Variants in ABCA13 observed in about 807,000 individuals in gnomAD.
ABCA13 encodes the protein ATP binding cassette subfamily A member 13.
In ABCA13, 476 loss-of-function variants were observed where a neutral mutation model predicts 478.7. The observed-to-expected ratio is 0.99, with a 90% CI of 0.92 to 1.07. The LOEUF (loss-of-function observed/expected upper bound fraction) is 1.07. Among genes scored for constraint, ABCA13 ranks in the 50% least tolerant of loss-of-function variants. The probability of loss-of-function intolerance (pLI) is 0.00; values close to 1 mark genes in which losing one functional copy is unlikely to be tolerated. For synonymous variants in ABCA13, 2,252 were observed against 2,158.9 expected, an observed-to-expected ratio of 1.04 and a Z score of -1.20; for missense variants, 6,060 against 5,910.6, an observed-to-expected ratio of 1.03 and a Z score of -0.83.
intron 32 of ABCA13, among the ~76,000 whole-genome samples, chr7:48,369,473 T>C (rs538437006): frequency 6.6e-6 from 1 of 152,320 alleles, no homozygotes; most frequent in African/African-American, 2.4e-5. Context: ...CCTAAGCCAA[T>C]GTATAGAAGG....
intron 59 of ABCA13, among the ~76,000 whole-genome samples, chr7:48,623,604 G>C (rs964324906): frequency 2.0e-5 from 3 of 152,180 alleles, no homozygotes; most frequent in Admixed American, 1.3e-4. Context: ...CAGTGTGGGT[G>C]TTCCCAAAGT....
At chr7:48,600,149 C>T (rs1790729781) in intron 58 of ABCA13, among the ~76,000 whole-genome samples, 3 of 151,952 alleles carry the variant, frequency 2.0e-5, no homozygotes, top group South Asian at 4.2e-4. Flanking sequence ...AATATTTTGA[C>T]TTTCTTATCA....
intron 52 of ABCA13, among the ~76,000 whole-genome samples, chr7:48,517,082 G>A (rs542646552): frequency 6.6e-6 from 1 of 152,278 alleles, no homozygotes; most frequent in South Asian, 2.1e-4. Flanking sequence ...CCTAGGCTTA[G>A]CAACAATTGA....
intron 54 of ABCA13, among the ~76,000 whole-genome samples, chr7:48,526,495 A>G (rs555848543): frequency 8.7e-4 from 133 of 152,316 alleles, no homozygotes; most frequent in African/African-American, 3.0e-3. Flanking sequence ...AGAAATGACT[A>G]AGATACAGTC....
intron 9 of ABCA13, among the ~76,000 whole-genome samples, chr7:48,240,117 C>T (rs189214638): frequency 5.3e-5 from 8 of 152,304 alleles, no homozygotes; most frequent in Non-Finnish European, 7.3e-5. Flanking sequence ...CTTTGTTCTC[C>T]GCTAATATGT....
In ABCA13 at chr7:48,646,624, A is replaced by T. The variant is rs1258119704; in HGVS notation, c.*1112A>T. On this transcript the variant is annotated 3_prime_UTR_variant, in exon 62 of 62. Coordinates refer to ENST00000435803, the MANE Select transcript of ABCA13 (RefSeq NM_152701.5). ...AAGCTCCGCCTCCTGGGTTCACGCC[A>T]TTCTCCTGCCTCAGCCTCCCCAGCA... 6.6e-6 allele frequency: 1 copy of T among 151,714 alleles called. No homozygotes were observed. The highest frequency in any genetic ancestry group is 1.5e-5 in the Non-Finnish European group (1 of 68,012). 9.4% of individuals were successfully genotyped at this position (151,714 alleles called of 1,614,324 possible).
intron 38 of ABCA13, among the ~76,000 whole-genome samples, chr7:48,400,386 A>C (rs753459245): frequency 6.6e-6 from 1 of 152,204 alleles, no homozygotes; most frequent in Non-Finnish European, 1.5e-5. Context: ...CTGGTGCATA[A>C]TTGGGTCATA....
intron 19 of ABCA13, among the ~76,000 whole-genome samples, chr7:48,285,238 G>A (rs1291202589): frequency 1.3e-5 from 2 of 152,176 alleles, no homozygotes; most frequent in African/African-American, 4.8e-5. Flanking sequence ...CTGAAGGGAG[G>A]AGAGGAAAGG....
intron 47 of ABCA13, among the ~76,000 whole-genome samples, chr7:48,484,347 A>G (rs1829078575): frequency 6.6e-6 from 1 of 152,204 alleles, no homozygotes; most frequent in Non-Finnish European, 1.5e-5. Flanking sequence ...TAAAGACAAC[A>G]CACATTCATG....
chr7:48,297,427 T>C lies in ABCA13; in HGVS notation c.9199+116T>C, dbSNP rs185917288. On this transcript the variant is annotated intron_variant, in intron 22 of 61. Transcript: ENST00000435803. ...AATTTATGCTATATGTGATACATAA[T>C]CATTTACAACTTGGCTGGTATGATG... 6.4e-4 allele frequency: 653 copies of C among 1,022,400 alleles called. 2 individuals carry two copies. Among genetic ancestry groups the C allele is most frequent in the Admixed American group, 1.8e-3 (75 of 42,396 alleles). The allele number at this position is 1,022,400 out of a possible 1,614,324, so 63.3% of individuals were successfully genotyped here. A position where few individuals can be genotyped will look rare whatever the true frequency, so the allele number is the denominator to read the frequency against.
rs1270541560 is a variant in ABCA13 at position 48,273,541 on chromosome 7, G to A, written c.3875G>A (p.Ser1292Asn). 2 of 1,583,596 alleles carry A rather than the reference G, an allele frequency of 1.3e-6. No homozygotes were observed. Among genetic ancestry groups the A allele is most frequent in the Non-Finnish European group, 1.7e-6 (2 of 1,162,810 alleles). The stretch of plus-strand genomic sequence containing the variant: ...CTGCTTGAAGTTTTCATTGAGTTTA[G>A]CAGTACCTCAGAATATATAGTCAGA... ...NSLLEVFIEF[S>N]STSEYIVRNL... is the part of the protein sequence containing the mutation. The change falls in exon 17 of 62, where the codon AGC becomes AAC. Residue 1292 changes from serine (S) to asparagine (N), a missense_variant. Coordinates refer to ENST00000435803, the MANE Select transcript of ABCA13 (RefSeq NM_152701.5).
chr7:48,198,443 T>C, intron 3 of ABCA13, 83 bp downstream of exon 3: 1 of 1,494,104 alleles, frequency 6.7e-7, no homozygotes, highest in Non-Finnish European at 9.1e-7. Context: ...AAAGCCTCAA[T>C]AATTTGGGAT....
rs748355286 is a variant in ABCA13 at position 48,279,810 on chromosome 7, G to C, written c.8616G>C (p.Glu2872Asp). The C allele has an allele frequency of 5.0e-6, 8 of 1,598,750 alleles. No homozygotes were observed. In the South Asian group the frequency reaches 8.0e-5, roughly 16 times the overall value. Reference protein sequence around the residue: ...TSEKEERTKKEMIDFPYSFKP... With the variant: ...TSEKEERTKKDMIDFPYSFKP... ...AAAAAGAAGAGAGAACCAAGAAAGA[G>C]ATGATTGACTTTCCTTATAGTTTCA... is the stretch of plus-strand genomic sequence containing the variant. Residue 2872 changes from glutamate to aspartate, a missense_variant, in exon 18 of 62, where the codon GAG becomes GAC. Glu to Asp is a conservative substitution (Grantham distance 45). This residue lies in a region of ABCA13 where 4,423 missense variants were observed against 4,309.1 expected (regional missense o/e 1.03). Coordinates refer to ENST00000435803, the MANE Select transcript of ABCA13 (RefSeq NM_152701.5).
chr7:48,385,978 T>C (rs546741872), intron 35 of ABCA13, among the ~76,000 whole-genome samples: 36 of 152,316 alleles, frequency 2.4e-4, no homozygotes, highest in African/African-American at 8.7e-4. Context: ...TGTCTCTTTA[T>C]ATCCCTTGCC....
At chr7:48,220,236 A>T (rs1787170504) in intron 4 of ABCA13, among the ~76,000 whole-genome samples, 1 of 152,188 alleles carries the variant, frequency 6.6e-6, no homozygotes, top group Non-Finnish European at 1.5e-5. Flanking sequence ...GCCTCTCTTC[A>T]CATCCCTGAG....
chr7:48,380,829 C>A (rs112227929), intron 35 of ABCA13, among the ~76,000 whole-genome samples: 1 of 152,124 alleles, frequency 6.6e-6, no homozygotes, highest in Non-Finnish European at 1.5e-5. Context: ...TGTGGATGTG[C>A]CTTTCACAAG....
intron 57 of ABCA13, among the ~76,000 whole-genome samples, chr7:48,588,172 C>T (rs899501092): frequency 6.6e-6 from 1 of 152,140 alleles, no homozygotes; most frequent in Non-Finnish European, 1.5e-5. Context: ...TGGAAACTCA[C>T]CTGAATATTC....
chr7:48,569,295 T>A (rs1230188084), intron 55 of ABCA13, among the ~76,000 whole-genome samples: 1 of 152,196 alleles, frequency 6.6e-6, no homozygotes, highest in Non-Finnish European at 1.5e-5. Context: ...GAATACCATG[T>A]TTTGATATGT....
At position 48,273,429 on chromosome 7, in the gene ABCA13, A is replaced by T; in HGVS notation, c.3763A>T (p.Lys1255Ter). Residue 1255 changes from lysine (K) to a stop codon, truncating the protein, a stop_gained, in exon 17 of 62, where the codon AAA becomes TAA. Transcript: ENST00000435803. LOFTEE classifies it high-confidence loss of function. ...VKKLNLEQVEKSLFTMEAALH... is the reference protein window; with the variant it reads ...VKKLNLEQVE ...AAAACTTAACTTGGAGCAAGTGGAG[A>T]AATCCCTTTTCACCATGGAAGCTGC... 1.2e-6 allele frequency: 2 copies of T among 1,613,296 alleles called. No individual in the cohort carries two copies. The highest frequency in any genetic ancestry group is 1.7e-6 in the Non-Finnish European group (2 of 1,179,594).
Sources: allele counts gnomAD v4.1 joint callset (sites outside exome capture counted in the v4.1 genomes callset), GRCh38; gene constraint gnomAD v4.1.1; regional missense constraint gnomAD v4.1.1; transcripts MANE v1.5; gene names NCBI Gene and HGNC (gene_info 2026-07-23, HGNC 2026-07-21).